The following CTNNA3 variants were observed in gnomAD, a reference collection of about 807,000 sequenced individuals.
The protein encoded by CTNNA3 is catenin alpha-3.
A neutral mutation model predicts 95.7 loss-of-function variants in CTNNA3; 76 were observed. The observed-to-expected ratio is 0.79, with a 90% CI of 0.66 to 0.96. The LOEUF (loss-of-function observed/expected upper bound fraction) is 0.96. Among genes scored for constraint, CTNNA3 ranks in the 40% least tolerant of loss-of-function variants. The pLI, the probability that CTNNA3 is intolerant of heterozygous loss-of-function variation, is 0.00. For synonymous variants in CTNNA3, 431 were observed against 374.4 expected (o/e 1.15, Z -1.74); for missense variants, 1,191 against 1,089.8 (o/e 1.09, Z -1.31).
chr10:66,928,551 C>T, intron 7 of CTNNA3: 1 of 1,104,760 alleles, frequency 9.1e-7, no homozygotes, highest in Non-Finnish European at 1.3e-6. Flanking sequence ...TGCCCCCCCT[C>T]CCCTTCCCTC....
At chr10:67,004,530 A>G (rs1851865052) in intron 7 of CTNNA3, among the ~76,000 whole-genome samples, 1 of 152,164 alleles carries the variant, frequency 6.6e-6, no homozygotes, top group African/African-American at 2.4e-5. Context: ...AAATTTTGAA[A>G]CACAAGATAT....
At chr10:66,145,765 A>G (rs138320556) in intron 13 of CTNNA3, among the ~76,000 whole-genome samples, 12 of 152,108 alleles carry the variant, frequency 7.9e-5, no homozygotes, top group African/African-American at 2.9e-4. Context: ...TTTCATAAGC[A>G]TTGCTGCTTA....
chr10:66,434,156 G>A (rs914127499), intron 11 of CTNNA3, among the ~76,000 whole-genome samples: 4 of 127,242 alleles, frequency 3.1e-5, no homozygotes, highest in African/African-American at 1.3e-4. Flanking sequence ...GAACTTTAAA[G>A]TAGTTTTTTT....
At chr10:66,035,831 T>C (rs1426349351) in intron 15 of CTNNA3, among the ~76,000 whole-genome samples, 1 of 152,110 alleles carries the variant, frequency 6.6e-6, no homozygotes, top group African/African-American at 2.4e-5. Context: ...AAATGAAAGA[T>C]GGGCTTATTG....
At chr10:67,114,999 A>G (rs1290493439) in intron 7 of CTNNA3, among the ~76,000 whole-genome samples, 1 of 152,112 alleles carries the variant, frequency 6.6e-6, no homozygotes, top group Non-Finnish European at 1.5e-5. Context: ...TAAGAATCCT[A>G]TATAGCATGT....
chr10:66,875,397 A>AG (rs559778071), intron 7 of CTNNA3, among the ~76,000 whole-genome samples: 1 of 48,966 alleles, frequency 2.0e-5, no homozygotes, highest in East Asian at 2.8e-4. Context: ...CTGTTATTTA[A>AG]AAAAAAAAAA....
At chr10:66,674,536 C>T (rs1050840367) in intron 9 of CTNNA3, among the ~76,000 whole-genome samples, 1 of 151,744 alleles carries the variant, frequency 6.6e-6, no homozygotes, top group Non-Finnish European at 1.5e-5. Flanking sequence ...CCTATTGCTC[C>T]TTTGCATAGC....
At chr10:66,566,229 T>C (rs1252727763) in intron 10 of CTNNA3, among the ~76,000 whole-genome samples, 2 of 152,102 alleles carry the variant, frequency 1.3e-5, no homozygotes, top group African/African-American at 4.8e-5. Flanking sequence ...AATGGAACAG[T>C]GATAGGACTT....
intron 16 of CTNNA3, among the ~76,000 whole-genome samples, chr10:65,968,721 G>A (rs2078030385): frequency 6.6e-6 from 1 of 152,212 alleles, no homozygotes; most frequent in Non-Finnish European, 1.5e-5. Context: ...TTCATGCCTA[G>A]GCAGATCACC....
At chr10:66,589,756 A>G (rs929836263) in intron 10 of CTNNA3, among the ~76,000 whole-genome samples, 1 of 152,124 alleles carries the variant, frequency 6.6e-6, no homozygotes. Flanking sequence ...TTGACTCATC[A>G]TTTGTTTCCA....
chr10:67,576,408 T>A (rs567626806), intron 3 of CTNNA3, among the ~76,000 whole-genome samples: 1 of 152,284 alleles, frequency 6.6e-6, no homozygotes, highest in Non-Finnish European at 1.5e-5. Flanking sequence ...TATTGTATAG[T>A]TGTTAATAGT....
At chr10:66,875,834 A>G (rs1463218463) in intron 7 of CTNNA3, among the ~76,000 whole-genome samples, 1 of 152,158 alleles carries the variant, frequency 6.6e-6, no homozygotes, top group Non-Finnish European at 1.5e-5. Context: ...TATCATAGCT[A>G]AGACACCCTA....
intron 13 of CTNNA3, among the ~76,000 whole-genome samples, chr10:66,215,237 C>A (rs1037988): frequency 0.21 from 31,843 of 152,082 alleles, 3,505 homozygotes; most frequent in African/African-American, 0.29. Flanking sequence ...GTGCATGATC[C>A]AATCTGAAGG....
intron 5 of CTNNA3, among the ~76,000 whole-genome samples, chr10:67,290,915 A>C (rs145640865): frequency 5.9e-5 from 9 of 152,268 alleles, no homozygotes; most frequent in African/African-American, 2.2e-4. Context: ...CTGCTAATCC[A>C]TGTTCAGTCT....
intron 5 of CTNNA3, among the ~76,000 whole-genome samples, chr10:67,260,006 T>G (rs1866530027): frequency 1.3e-5 from 2 of 152,196 alleles, no homozygotes; most frequent in Admixed American, 6.5e-5. Flanking sequence ...AAGCACAATT[T>G]CTTCAGCAGT....
chr10:66,473,354 C>T (rs2441729), intron 11 of CTNNA3, among the ~76,000 whole-genome samples: 33,557 of 151,590 alleles, frequency 0.22, 7,096 homozygotes, highest in East Asian at 0.84. Context: ...TTCTTCCTGC[C>T]TTGCTCCTCA....
At chr10:67,464,903 A>G (rs1847527401) in intron 5 of CTNNA3, among the ~76,000 whole-genome samples, 1 of 151,628 alleles carries the variant, frequency 6.6e-6, no homozygotes, top group Non-Finnish European at 1.5e-5. Context: ...ATCATTCAGT[A>G]TTCTTCCTTC....
At position 66,360,711 on chromosome 10, in the gene CTNNA3, C is replaced by T. The variant is rs1372988994; in HGVS notation, c.1732+18441G>A. The stretch of plus-strand genomic sequence containing the variant: ...CCTTCCTTTTCTTTCTTTCTTTCCT[C>T]CTTCCTTTCTTCCTTTCTTTCTTTC... On this transcript the variant is annotated intron_variant, in intron 12 of 17. Coordinates refer to ENST00000433211, the MANE Select transcript of CTNNA3 (RefSeq NM_013266.4). 3.5e-5 allele frequency among the ~76,000 whole-genome samples: 2 copies of T among 57,090 alleles called. 1 individual carries two copies. The highest frequency in any genetic ancestry group is 8.5e-5 in the Non-Finnish European group (2 of 23,658). The allele number at this position is 57,090 out of a possible 152,430, so 37.5% of individuals were successfully genotyped here.
chr10:66,922,798 G>T (rs1846858413), intron 7 of CTNNA3, among the ~76,000 whole-genome samples: 1 of 150,018 alleles, frequency 6.7e-6, no homozygotes, highest in South Asian at 2.1e-4. Flanking sequence ...ATATAGTTTT[G>T]TTTTATTTTT....
Sources: gnomAD v4.1 joint callset for allele counts (sites outside exome capture counted in the v4.1 genomes callset) on GRCh38, gnomAD v4.1.1 for gene constraint, MANE v1.5 for transcripts, NCBI Gene and HGNC (gene_info 2026-07-23, HGNC 2026-07-21) for gene names.